The following KCTD2 variants were observed in gnomAD, a reference collection of about 807,000 sequenced individuals.
The protein encoded by KCTD2 is BTB/POZ domain-containing protein KCTD2.
KCTD2 carries 18 observed loss-of-function variants against 27.9 expected under a neutral mutation model. The observed-to-expected ratio is 0.64, with a 90% CI of 0.45 to 0.96. KCTD2 has a LOEUF of 0.96. Among genes scored for constraint, KCTD2 ranks in the 40% least tolerant of loss-of-function variants. KCTD2 has a pLI of 0.00. For synonymous variants in KCTD2, 175 were observed against 148.4 expected (o/e 1.18, Z -1.30); for missense variants, 280 against 348.0 (o/e 0.80, Z 1.56).
intron 2 of KCTD2, among the ~76,000 whole-genome samples, chr17:75,050,552 C>T (rs190642844): frequency 3.5e-4 from 54 of 152,206 alleles, no homozygotes; most frequent in African/African-American, 1.1e-3. Flanking sequence ...CCTGAGCCTC[C>T]GCGCCCGACC....
rs56310455 is a variant in KCTD2 at position 75,037,345 on chromosome 17, G to GAA, written c.-259+2006_-259+2007dup. Among the ~76,000 whole-genome samples the GAA allele has an allele frequency of 3.7e-3, 311 of 84,680 alleles. 5 individuals are homozygous for GAA. Among genetic ancestry groups the GAA allele is most frequent in the South Asian group, 0.012 (33 of 2,694 alleles). The allele number at this position is 84,680 out of a possible 152,430, so 55.6% of individuals were successfully genotyped here. On this transcript the variant is annotated intron_variant, in intron 3 of 7. Transcript: ENST00000581589. Reference sequence around the variant, plus strand: ...GGCGACAAAGCAAGATTCCATATCAGAAAAAAAAAAAAAAAAAAAGAAATG... The same window carrying GAA: ...GGCGACAAAGCAAGATTCCATATCAGAAAAAAAAAAAAAAAAAAAAAGAAATG...
chr17:75,037,454 A>T (rs903707075), intron 3 of KCTD2, among the ~76,000 whole-genome samples: 4 of 151,898 alleles, frequency 2.6e-5, no homozygotes, highest in African/African-American at 9.7e-5. Context: ...GCCTTTGCTT[A>T]CTTTCTTACC....
upstream of KCTD2, among the ~76,000 whole-genome samples, chr17:75,044,199 ATTTTTTTTTT>A (rs755560156): frequency 0.016 from 1,525 of 93,928 alleles, 282 homozygotes; most frequent in African/African-American, 0.054. Context: ...TAATTTTTGT[ATTTTTTTTTT>A]TTTTTTTGAG....
At chr17:75,034,426 C>T (rs113034131) in intron 2 of KCTD2, among the ~76,000 whole-genome samples, 330 of 152,328 alleles carry the variant, frequency 2.2e-3, no homozygotes, top group Middle Eastern at 6.8e-3. Context: ...CACAGCCCCT[C>T]TCGACACCCC....
At chr17:75,062,442 A>C (rs999859167) in intron 5 of KCTD2, among the ~76,000 whole-genome samples, 197 bp downstream of exon 5, 1 of 152,124 alleles carries the variant, frequency 6.6e-6, no homozygotes, top group African/African-American at 2.4e-5. Context: ...TTTTAGTTAG[A>C]AAATATGAAC....
chr17:75,062,699 A>AACACACACACAC (rs10533801), intron 5 of KCTD2, among the ~76,000 whole-genome samples: 6,586 of 115,962 alleles, frequency 0.057, 463 homozygotes, highest in Non-Finnish European at 0.068. Context: ...CCTCACCCCC[A>AACACACACACAC]ACACACACAC....
Position 75,047,562 on chromosome 17 carries a change from G to A in KCTD2, c.312G>A (p.Gln104=). Residue 104 remains glutamine (Q), a synonymous_variant, in exon 1 of 6, where the codon CAG becomes CAA. Transcript: ENST00000322444. ...CATTTCTCTGCCGCCTCTGCTGCCA[G>A]GAGGACCCGGAGCTGGACTCAGACA... is the stretch of plus-strand genomic sequence containing the variant. ...PKSFLCRLCC[Q]EDPELDSDKD... 1 of 1,610,604 alleles carries A rather than the reference G, an allele frequency of 6.2e-7. No individual in the cohort carries two copies. Among genetic ancestry groups the A allele is most frequent in the East Asian group, 2.2e-5 (1 of 44,642 alleles).
chr17:75,045,208 A>T (rs1040961834), upstream of KCTD2, among the ~76,000 whole-genome samples: 7 of 152,198 alleles, frequency 4.6e-5, no homozygotes, highest in Non-Finnish European at 1.0e-4. Context: ...GTATACGAAT[A>T]GGTGTGGGTG....
At chr17:75,051,200 G>C (rs548965266) in intron 2 of KCTD2, among the ~76,000 whole-genome samples, 2 of 149,540 alleles carry the variant, frequency 1.3e-5, no homozygotes, top group East Asian at 4.0e-4. Context: ...GTCTCATCTC[G>C]ATCTCCTGAC....
At chr17:75,049,731 A>G (rs1938484570) in intron 2 of KCTD2, among the ~76,000 whole-genome samples, 1 of 152,260 alleles carries the variant, frequency 6.6e-6, no homozygotes. Context: ...GTACAAAAAT[A>G]ATAAAGGCTT....
intron 3 of KCTD2, among the ~76,000 whole-genome samples, chr17:75,035,680 G>C (rs1167316070): frequency 6.6e-6 from 1 of 152,044 alleles, no homozygotes; most frequent in East Asian, 1.9e-4. Context: ...ACAAAAATTA[G>C]CCGGCCAATC....
chr17:75,054,849 T>A lies in KCTD2; in HGVS notation c.540+1744T>A, dbSNP rs1041908064. Among the ~76,000 whole-genome samples the A allele has an allele frequency of 6.6e-4, 98 of 149,180 alleles. 1 individual carries two copies. Among genetic ancestry groups the A allele is most frequent in the African/African-American group, 2.0e-3 (82 of 40,652 alleles). The stretch of plus-strand genomic sequence containing the variant: ...GAAGCTTGAAGTATAGCCAGGAAAA[T>A]AGACCCTCTCTTTCATGCGATTAGA... On this transcript the variant is annotated intron_variant, in intron 3 of 5. Transcript: ENST00000322444.
intron 3 of KCTD2, among the ~76,000 whole-genome samples, chr17:75,055,559 C>T (rs912752979): frequency 1.3e-5 from 2 of 149,598 alleles, no homozygotes; most frequent in Non-Finnish European, 1.5e-5. Flanking sequence ...ACTGGCCGGG[C>T]GTGGTGGCTC....
At position 75,063,120 on chromosome 17, in the gene KCTD2, C is replaced by T. The variant is rs890530640; in HGVS notation, c.*73C>T. 1.4e-5 allele frequency: 20 copies of T among 1,399,748 alleles called. No homozygotes were observed. Among genetic ancestry groups the T allele is most frequent in the African/African-American group, 9.9e-5 (7 of 70,470 alleles). 86.7% of individuals were successfully genotyped at this position (1,399,748 alleles called of 1,614,324 possible). ...CCCCTCTGTGAAGTGAAACCTCACT[C>T]CTGTCCAGTGACCGAGCCACTGCAA... On this transcript the variant is annotated 3_prime_UTR_variant, in exon 6 of 6. Coordinates refer to ENST00000322444, the MANE Select transcript of KCTD2 (RefSeq NM_015353.3).
In KCTD2 at chr17:75,047,226, G is replaced by T; in HGVS notation, c.-25G>T. On this transcript the variant is annotated 5_prime_UTR_variant, in exon 1 of 6. Coordinates refer to ENST00000322444, the MANE Select transcript of KCTD2 (RefSeq NM_015353.3). ...GGGCCGGCCCGGCTGCGCGCGGGCA[G>T]CAGCGGTGGCGGCGGCGGTCCAAGA... The T allele has an allele frequency of 1.3e-6, 1 of 742,464 alleles. No homozygotes were observed. The highest frequency in any genetic ancestry group is 4.9e-5 in the Admixed American group (1 of 20,326). The allele number at this position is 742,464 out of a possible 1,614,324, so 46.0% of individuals were successfully genotyped here. A position where few individuals can be genotyped will look rare whatever the true frequency, so the allele number is the denominator to read the frequency against.
At chr17:75,041,304 G>A (rs2073157053) in intron 3 of KCTD2, 1 of 149,542 alleles carries the variant, frequency 6.7e-6, no homozygotes, top group East Asian at 2.0e-4. Context: ...GCAGTGAGCT[G>A]AGATGGCGCC....
chr17:75,050,976 C>CTT (rs1448198731), intron 2 of KCTD2, among the ~76,000 whole-genome samples: 1,689 of 137,324 alleles, frequency 0.012, 36 homozygotes, highest in African/African-American at 0.043. Flanking sequence ...TCATGCCCAG[C>CTT]TTTTTTTTTT....
chr17:75,056,353 T>C (rs1008663038), intron 3 of KCTD2, among the ~76,000 whole-genome samples: 1 of 152,254 alleles, frequency 6.6e-6, no homozygotes, highest in Non-Finnish European at 1.5e-5. Context: ...TCTAGCCTTA[T>C]CCTCAGTTTC....
intron 1 of KCTD2, chr17:75,033,078 T>A (rs890424427): frequency 1.6e-4 from 25 of 152,332 alleles, no homozygotes; most frequent in Middle Eastern, 3.4e-3. Flanking sequence ...TGGCTGAACT[T>A]CTTCTGTTAA....
Sources: gnomAD v4.1 joint callset for allele counts (sites outside exome capture counted in the v4.1 genomes callset) on GRCh38, gnomAD v4.1.1 for gene constraint, MANE v1.5 for transcripts, NCBI Gene and HGNC (gene_info 2026-07-23, HGNC 2026-07-21) for gene names.